ARSK: variants seen among roughly 807,000 people sequenced by gnomAD.
ARSK encodes arylsulfatase K.
In ARSK, 37 loss-of-function variants were observed where a neutral mutation model predicts 53.2. The ratio of observed to expected loss-of-function variants is 0.70; its 90% confidence interval spans 0.54 to 0.92. The LOEUF (loss-of-function observed/expected upper bound fraction) is 0.92, where lower values mean the gene tolerates loss of function less well. Among genes scored for constraint, ARSK ranks in the 40% least tolerant of loss-of-function variants. ARSK has a pLI of 0.00. For synonymous variants in ARSK, 208 were observed against 223.2 expected, an observed-to-expected ratio of 0.93 and a Z score of 0.61; for missense variants, 613 against 643.0, an observed-to-expected ratio of 0.95 and a Z score of 0.51.
Position 95,555,420 on chromosome 5 carries a change from C to A in ARSK, c.126+16C>A. The A allele has an allele frequency of 6.3e-6, 10 of 1,591,846 alleles. No individual in the cohort carries two copies. Among genetic ancestry groups the A allele is most frequent in the Non-Finnish European group, 8.6e-6 (10 of 1,166,872 alleles). The stretch of plus-strand genomic sequence containing the variant: ...CGACTCCTTCGTAAGTACCGCGAGG[C>A]AGGGGAGGGGCGCCCCGCTGGGGAT... On this transcript the variant is annotated intron_variant, in intron 1 of 7. Coordinates refer to ENST00000380009, the MANE Select transcript of ARSK (RefSeq NM_198150.3). The surrounding 1 kb of genome is among the most constrained non-coding windows in gnomAD (Gnocchi z 4.0).
Position 95,556,150 on chromosome 5 carries a change from A to G in ARSK, c.126+746A>G, listed in dbSNP as rs115187508. On this transcript the variant is annotated intron_variant, in intron 1 of 7. Coordinates refer to ENST00000380009, the MANE Select transcript of ARSK (RefSeq NM_198150.3). ...CTGTGGTCACACAGATGTTGGTGTT[A>G]AGCATATCTGGCACTAAAGAGTGTT... 4,368 of 700,156 alleles carry G rather than the reference A, an allele frequency of 6.2e-3. 25 individuals are homozygous for G. The highest frequency in any genetic ancestry group is 0.021 in the Middle Eastern group (88 of 4,236). 43.4% of individuals were successfully genotyped at this position (700,156 alleles called of 1,614,324 possible). A position where few individuals can be genotyped will look rare whatever the true frequency, so the allele number is the denominator to read the frequency against.
chr5:95,593,157 C>G (rs935521577), intron 6 of ARSK, among the ~76,000 whole-genome samples: 3 of 152,044 alleles, frequency 2.0e-5, no homozygotes, highest in Non-Finnish European at 4.4e-5. Flanking sequence ...AGAACTCTCC[C>G]TACCCTCCCC....
intron 5 of ARSK, among the ~76,000 whole-genome samples, chr5:95,588,239 T>A (rs2053718577): frequency 1.0e-5 from 1 of 97,006 alleles, no homozygotes; most frequent in Admixed American, 9.2e-5. Context: ...TGTATCTTAA[T>A]TTTTTTTTTT....
chr5:95,567,789 A>G, intron 2 of ARSK, 101 bp from the exon 3 acceptor site: 1 of 1,180,708 alleles, frequency 8.5e-7, no homozygotes, highest in Non-Finnish European at 1.2e-6. Flanking sequence ...ACTGCAGAGC[A>G]TAAGCTCTTC....
At chr5:95,586,449 C>G (rs1384035231) in intron 4 of ARSK, 113 bp from the exon 5 acceptor site, 1 of 823,152 alleles carries the variant, frequency 1.2e-6, no homozygotes, top group Non-Finnish European at 1.9e-6. Context: ...TTACACTGTT[C>G]TTTTCTACTA....
At chr5:95,590,630 C>G (rs1248816979) in intron 5 of ARSK, among the ~76,000 whole-genome samples, 1 of 152,160 alleles carries the variant, frequency 6.6e-6, no homozygotes, top group Non-Finnish European at 1.5e-5. Flanking sequence ...GATTACACCT[C>G]AGAATCTGTA....
At position 95,580,839 on chromosome 5, in the gene ARSK, C is replaced by T. The variant is rs1749010337; in HGVS notation, c.417-2077C>T. 13 of 1,066,266 alleles carry T rather than the reference C, an allele frequency of 1.2e-5. No individual in the cohort carries two copies. In the South Asian group the frequency reaches 1.7e-4, roughly 14 times the overall value. The allele number at this position is 1,066,266 out of a possible 1,614,324, so 66.1% of individuals were successfully genotyped here. Reference sequence around the variant, plus strand: ...TCTACTGAATACATCACTTTATACTCATGTTCTTCCTCACTAATTTGCAAA... The same window carrying T: ...TCTACTGAATACATCACTTTATACTTATGTTCTTCCTCACTAATTTGCAAA... On this transcript the variant is annotated intron_variant, in intron 3 of 7. Transcript: ENST00000380009.
At chr5:95,585,295 C>T (rs938899009) in intron 4 of ARSK, among the ~76,000 whole-genome samples, 1 of 152,154 alleles carries the variant, frequency 6.6e-6, no homozygotes, top group Non-Finnish European at 1.5e-5. Flanking sequence ...GAACTACCTT[C>T]TGATCCAGCA....
chr5:95,600,995 C>T lies in ARSK; in HGVS notation c.1245C>T (p.Ser415=), dbSNP rs1190505792. 6.2e-7 allele frequency: 1 copy of T among 1,614,010 alleles called. No homozygotes were observed. The highest frequency in any genetic ancestry group is 8.5e-7 in the Non-Finnish European group (1 of 1,179,924). The change falls in exon 7 of 8, where the codon TCC becomes TCT. Residue 415 remains serine, a synonymous_variant. Coordinates refer to ENST00000380009, the MANE Select transcript of ARSK (RefSeq NM_198150.3). Reference sequence around the variant, plus strand: ...TCCATGGATGTAATGTGAATGCCTCCACCTACATGCTTCGAACTAACCACT... The same window carrying T: ...TCCATGGATGTAATGTGAATGCCTCTACCTACATGCTTCGAACTAACCACT... The part of the protein sequence containing the change: ...SEFHGCNVNA[S]TYMLRTNHWK...
At chr5:95,573,626 C>A (rs1274363698) in intron 3 of ARSK, among the ~76,000 whole-genome samples, 3 of 152,164 alleles carry the variant, frequency 2.0e-5, no homozygotes, top group Non-Finnish European at 4.4e-5. Context: ...TGTTGAAAAT[C>A]TAAAATCAAA....
chr5:95,577,928 T>A (rs555064084), intron 3 of ARSK, among the ~76,000 whole-genome samples: 1 of 152,256 alleles, frequency 6.6e-6, no homozygotes, highest in Non-Finnish European at 1.5e-5. Context: ...TACCAAAAAA[T>A]GAAACAGTTG....
In ARSK at chr5:95,602,066, C is replaced by T. The variant is rs77324022; in HGVS notation, c.1321+995C>T. Among the ~76,000 whole-genome samples the T allele has an allele frequency of 9.4e-3, 1,431 of 152,190 alleles. 32 individuals are homozygous for T. The highest frequency in any genetic ancestry group is 0.033 in the African/African-American group (1,365 of 41,532). ...AAAAAGAGAATCACAATAACCAATC[C>T]GAAGGGGCTCATTTTACCTGAACCA... is the stretch of plus-strand genomic sequence containing the variant. On this transcript the variant is annotated intron_variant, in intron 7 of 7. Coordinates refer to ENST00000380009, the MANE Select transcript of ARSK (RefSeq NM_198150.3).
chr5:95,576,999 G>C (rs1748935946), intron 3 of ARSK, among the ~76,000 whole-genome samples: 1 of 152,174 alleles, frequency 6.6e-6, no homozygotes, highest in African/African-American at 2.4e-5. Flanking sequence ...TACGTTAGGT[G>C]CCCATACCTG....
chr5:95,566,180 A>G, intron 2 of ARSK, 53 bp downstream of exon 2: 1 of 1,585,736 alleles, frequency 6.3e-7, no homozygotes. Context: ...CTGAAAATAT[A>G]TTCACAGTTT....
intron 6 of ARSK, 123 bp downstream of exon 6, chr5:95,591,748 G>A: frequency 1.2e-6 from 1 of 842,674 alleles, no homozygotes; most frequent in Non-Finnish European, 1.9e-6. Flanking sequence ...ATAACCCTGA[G>A]CAACTCATTC....
intron 5 of ARSK, among the ~76,000 whole-genome samples, chr5:95,590,442 G>T (rs960244820): frequency 6.6e-6 from 1 of 152,040 alleles, no homozygotes; most frequent in Admixed American, 6.6e-5. Flanking sequence ...GTTTCAAGCA[G>T]GGATGTGACA....
chr5:95,568,283 G>A (rs945376220), intron 3 of ARSK, among the ~76,000 whole-genome samples: 3 of 152,112 alleles, frequency 2.0e-5, no homozygotes, highest in Non-Finnish European at 4.4e-5. Context: ...TATAAATAGT[G>A]TTTGTAAACT....
At chr5:95,596,770 G>A (rs901732955) in intron 6 of ARSK, among the ~76,000 whole-genome samples, 2 of 151,998 alleles carry the variant, frequency 1.3e-5, no homozygotes, top group Non-Finnish European at 2.9e-5. Context: ...TTACTATCAA[G>A]AGGCTATTGA....
At chr5:95,559,218 C>G (rs1416698728) in intron 1 of ARSK, among the ~76,000 whole-genome samples, 1 of 152,144 alleles carries the variant, frequency 6.6e-6, no homozygotes, top group Non-Finnish European at 1.5e-5. Context: ...ACCCACAGAC[C>G]AGTATCCCTT....
Sources: gnomAD v4.1 joint callset for allele counts (sites outside exome capture counted in the v4.1 genomes callset) on GRCh38, gnomAD v4.1.1 for gene constraint, Gnocchi (gnomAD v3.1) non-coding constraint, MANE v1.5 for transcripts, NCBI Gene and HGNC (gene_info 2026-07-23, HGNC 2026-07-21) for gene names.